The following STYXL2 variants were observed in gnomAD, a reference collection of about 807,000 sequenced individuals.
STYXL2 encodes the protein serine/threonine/tyrosine interacting like 2.
In STYXL2, 44 loss-of-function variants were observed where a neutral mutation model predicts 52.4. The ratio of observed to expected loss-of-function variants is 0.84; its 90% CI spans 0.66 to 1.08. The LOEUF is 1.08. Among genes scored for constraint, STYXL2 ranks in the 50% least tolerant of loss-of-function variants. The probability of loss-of-function intolerance (pLI) is 0.00; values close to 1 mark genes in which losing one functional copy is unlikely to be tolerated. For synonymous variants in STYXL2, 604 were observed against 586.9 expected (o/e 1.03, Z -0.42); for missense variants, 1,604 against 1,471.7 (o/e 1.09, Z -1.47).
chr1:167,109,530 C>T (rs1423656209), intron 2 of STYXL2, among the ~76,000 whole-genome samples: 1 of 152,128 alleles, frequency 6.6e-6, no homozygotes, highest in African/African-American at 2.4e-5. Context: ...AAGCCCCATC[C>T]GAGGAGAGTC....
At chr1:167,122,805 C>G (rs60706836) in intron 5 of STYXL2, among the ~76,000 whole-genome samples, 3,881 of 152,142 alleles carry the variant, frequency 0.026, 41 homozygotes, top group African/African-American at 0.033. Context: ...AGCTGCAATT[C>G]CAGGCACGCA....
At chr1:167,124,086 G>GT (rs113870663) in intron 5 of STYXL2, among the ~76,000 whole-genome samples, 13 of 150,832 alleles carry the variant, frequency 8.6e-5, no homozygotes, top group Admixed American at 3.3e-4. Context: ...TTTTGTTTTT[G>GT]TTTTTTTTAG....
chr1:167,098,289 G>A (rs961981526), intron 2 of STYXL2, among the ~76,000 whole-genome samples: 1 of 152,032 alleles, frequency 6.6e-6, no homozygotes, highest in Non-Finnish European at 1.5e-5. Context: ...GATTACAGAT[G>A]TGAGCCACCA....
chr1:167,105,905 T>A (rs1667498847), intron 2 of STYXL2, among the ~76,000 whole-genome samples: 1 of 152,098 alleles, frequency 6.6e-6, no homozygotes, highest in Non-Finnish European at 1.5e-5. Flanking sequence ...CTGTTCTTCA[T>A]CCCCCCTCTT....
At chr1:167,125,651 G>A (rs905051038) in intron 5 of STYXL2, 136 bp from the exon 6 acceptor site, 27 of 1,305,556 alleles carry the variant, frequency 2.1e-5, no homozygotes, top group Non-Finnish European at 2.1e-5. Context: ...TCTTGAGCCC[G>A]GATGAACTTC....
At chr1:167,104,489 G>C (rs1217014178) in intron 2 of STYXL2, among the ~76,000 whole-genome samples, 1 of 152,096 alleles carries the variant, frequency 6.6e-6, no homozygotes, top group East Asian at 1.9e-4. Context: ...AGCATCTGTG[G>C]TGGGTGTGGT....
Position 167,127,063 on chromosome 1 carries a change from A to T in STYXL2, c.1932A>T (p.Ala644=). ...RQTLEESQSM[A]SWEADSSTAS... is the part of the protein sequence containing the mutation. ...CGCTGGAGGAGAGCCAGTCTATGGCAAGCTGGGAGGCGGACAGCTCCACGG... is the reference window on the plus strand; with the variant it reads ...CGCTGGAGGAGAGCCAGTCTATGGCTAGCTGGGAGGCGGACAGCTCCACGG... Residue 644 remains alanine, a synonymous_variant, in exon 6 of 6, where the codon GCA becomes GCT. Transcript: ENST00000361200. 3 of 1,612,162 alleles carry T rather than the reference A, an allele frequency of 1.9e-6. No homozygotes were observed. The highest frequency in any genetic ancestry group is 2.5e-6 in the Non-Finnish European group (3 of 1,178,774).
chr1:167,097,051 C>T (rs1438122413), intron 2 of STYXL2, among the ~76,000 whole-genome samples: 1 of 152,118 alleles, frequency 6.6e-6, no homozygotes, highest in Non-Finnish European at 1.5e-5. Flanking sequence ...ACATGTTGAC[C>T]CAGGATGTGA....
At chr1:167,125,039 A>C (rs944880507) in intron 5 of STYXL2, among the ~76,000 whole-genome samples, 1 of 152,194 alleles carries the variant, frequency 6.6e-6, no homozygotes, top group African/African-American at 2.4e-5. Flanking sequence ...ATGTTCAAAT[A>C]ATGTTTGAAG....
At chr1:167,117,725 C>A (rs1394860749) in intron 4 of STYXL2, among the ~76,000 whole-genome samples, 166 bp downstream of exon 4, 1 of 152,186 alleles carries the variant, frequency 6.6e-6, no homozygotes, top group Non-Finnish European at 1.5e-5. Flanking sequence ...CCCCTCCATC[C>A]ACCTGCATTC....
chr1:167,128,306 C>T lies in STYXL2; in HGVS notation c.3175C>T (p.Arg1059Cys), dbSNP rs147410196. 615 of 1,613,992 alleles carry T rather than the reference C, an allele frequency of 3.8e-4. 1 individual carries two copies. The African/African-American group carries it at 6.8e-3, about 18-fold the overall frequency. The change falls in exon 6 of 6, where the codon CGC becomes TGC. Residue 1059 changes from arginine to cysteine, a missense_variant. Coordinates refer to ENST00000361200, the MANE Select transcript of STYXL2 (RefSeq NM_001080426.3). ...SEREESPEPQRPNWARSRDWE... is the reference protein window; with the variant it reads ...SEREESPEPQCPNWARSRDWE... ...AAGGGAAGAGTCCCCAGAACCACAG[C>T]GCCCAAATTGGGCCAGGTCCAGGGA...
In STYXL2 at chr1:167,128,423, G is replaced by A. The variant is rs1668023642; in HGVS notation, c.3292G>A (p.Glu1098Lys). ...FTQSFMRSEE[E>K]GEKERTENRE... ...CCAGAGCTTTATGAGGTCTGAAGAA[G>A]AGGGAGAGAAAGAGAGGACAGAAAA... Residue 1098 changes from glutamate to lysine, a missense_variant, in exon 6 of 6, where the codon GAG (glutamate) becomes AAG (lysine). Glu to Lys is a moderately conservative substitution (Grantham distance 56, BLOSUM62 1). Transcript: ENST00000361200. 3.7e-6 allele frequency: 6 copies of A among 1,613,998 alleles called. No homozygotes were observed. Among genetic ancestry groups the A allele is most frequent in the South Asian group, 3.3e-5 (3 of 91,064 alleles).
At chr1:167,098,402 G>C (rs1043743629) in intron 2 of STYXL2, among the ~76,000 whole-genome samples, 1 of 151,986 alleles carries the variant, frequency 6.6e-6, no homozygotes, top group African/African-American at 2.4e-5. Context: ...CTTGAGCCCA[G>C]GAATTCAAGG....
At chr1:167,099,892 G>T (rs906432933) in intron 2 of STYXL2, among the ~76,000 whole-genome samples, 1 of 152,244 alleles carries the variant, frequency 6.6e-6, no homozygotes, top group African/African-American at 2.4e-5. Flanking sequence ...CCAATTAGCA[G>T]TAGGCTAGAT....
Position 167,125,767 on chromosome 1 carries a change from C to A in STYXL2, c.656-20C>A, listed in dbSNP as rs1667949050. On this transcript the variant is annotated intron_variant, in intron 5 of 5. Transcript: ENST00000361200. ...GAAGCCACTGTCATTACATCATTTT[C>A]TCTTGTGTTTTCATTTCAGGGAAAG... The A allele has an allele frequency of 6.4e-7, 1 of 1,561,830 alleles. No individual in the cohort carries two copies.
At chr1:167,117,648 C>T (rs926814805) in intron 4 of STYXL2, 89 bp downstream of exon 4, 24 of 1,229,268 alleles carry the variant, frequency 2.0e-5, no homozygotes, top group Admixed American at 6.5e-5. Flanking sequence ...TCACCAAAGG[C>T]GCCCATAGGT....
Position 167,126,070 on chromosome 1 carries a change from G to A in STYXL2, c.939G>A (p.Thr313=), listed in dbSNP as rs147141593. Residue 313 remains threonine (T), a synonymous_variant, in exon 6 of 6, where the codon ACG becomes ACA. Coordinates refer to ENST00000361200, the MANE Select transcript of STYXL2 (RefSeq NM_001080426.3). ...TCGGGGCCAGAGTGCACGCCCTGAC[G>A]GTGGAAGAGGAGGACGACAGCGCCA... is the stretch of plus-strand genomic sequence containing the variant. The part of the protein sequence containing the change: ...SMLGARVHAL[T]VEEEDDSASH... 1.5e-4 allele frequency: 233 copies of A among 1,544,600 alleles called. 1 individual carries two copies. The East Asian group carries it at 4.9e-3, about 32-fold the overall frequency.
chr1:167,126,024 GC>G lies in STYXL2; in HGVS notation c.894del (p.Glu299ArgfsTer14). The G allele has an allele frequency of 6.2e-7, 1 of 1,600,146 alleles. No homozygotes were observed. ...REGGSAEAEE[G>X]EGTGSMLGAR... Reference sequence around the variant, plus strand: ...GGGGGATCAGCTGAGGCTGAGGAGGGCGAGGGCACTGGGAGCATGCTCGGGG... The same window carrying G: ...GGGGGATCAGCTGAGGCTGAGGAGGGGAGGGCACTGGGAGCATGCTCGGGG... On this transcript the variant is annotated frameshift_variant, in exon 6 of 6. Coordinates refer to ENST00000361200, the MANE Select transcript of STYXL2 (RefSeq NM_001080426.3). LOFTEE classifies it low-confidence loss of function (END_TRUNC).
At position 167,126,088 on chromosome 1, in the gene STYXL2, C is replaced by CA. The variant is rs758011020; in HGVS notation, c.958dup (p.Ser320LysfsTer169). 23 of 1,527,420 alleles carry CA rather than the reference C, an allele frequency of 1.5e-5. No homozygotes were observed. Among genetic ancestry groups the CA allele is most frequent in the Non-Finnish European group, 1.9e-5 (22 of 1,139,060 alleles). 94.6% of individuals were successfully genotyped at this position (1,527,420 alleles called of 1,614,324 possible). A position where few individuals can be genotyped will look rare whatever the true frequency, so the allele number is the denominator to read the frequency against. ...CCCTGACGGTGGAAGAGGAGGACGA[C>CA]AGCGCCAGCCACCTGAGTGGCTCCT... On this transcript the variant is annotated frameshift_variant, in exon 6 of 6. Transcript: ENST00000361200. LOFTEE classifies it low-confidence loss of function (END_TRUNC).
Sources: gnomAD v4.1 joint callset for allele counts (sites outside exome capture counted in the v4.1 genomes callset) on GRCh38, gnomAD v4.1.1 for gene constraint, MANE v1.5 for transcripts, NCBI Gene and HGNC (gene_info 2026-07-23, HGNC 2026-07-21) for gene names.